The following BDP1 variants were observed in gnomAD, a reference collection of about 807,000 sequenced individuals.
The protein encoded by BDP1 is BDP1 general transcription factor IIIB subunit.
Under a neutral mutation model 266.6 loss-of-function variants are expected in BDP1, and 169 were observed. The ratio of observed to expected loss-of-function variants is 0.63; its 90% CI spans 0.56 to 0.72. The LOEUF is 0.72. Ranked by LOEUF, BDP1 falls within the 30% of genes least tolerant of loss-of-function variation. The pLI is 0.00. For missense variants in BDP1, 3,015 were observed against 3,053.8 expected (o/e 0.99, Z 0.30); for synonymous variants, 1,090 against 1,022.4 (o/e 1.07, Z -1.26).
rs755020787 is a variant in BDP1 at position 71,509,857 on chromosome 5, C to G, written c.2765C>G (p.Thr922Ser). 5 of 1,613,888 alleles carry G rather than the reference C, an allele frequency of 3.1e-6. No homozygotes were observed. The highest frequency in any genetic ancestry group is 4.2e-6 in the Non-Finnish European group (5 of 1,179,954). ...AAGACGCCAGAGGTGATTGATGCCA[C>G]TGAGGAAATAGACAAAGATTTGGAA... ...REKTPEVIDA[T>S]EEIDKDLEEA... The change falls in exon 17 of 39, where the codon ACT becomes AGT. Residue 922 changes from threonine to serine, a missense_variant. Physicochemically the swap from Thr to Ser is moderately conservative, Grantham distance 58 (BLOSUM62 1). Transcript: ENST00000358731.
chr5:71,520,499 T>C (rs1765441581), intron 22 of BDP1, among the ~76,000 whole-genome samples: 2 of 152,226 alleles, frequency 1.3e-5, no homozygotes, highest in African/African-American at 4.8e-5. Context: ...ACTCTGATAA[T>C]GTCTAGGAAA....
chr5:71,525,038 C>G (rs1361709973), intron 25 of BDP1, among the ~76,000 whole-genome samples: 1 of 152,160 alleles, frequency 6.6e-6, no homozygotes, highest in African/African-American at 2.4e-5. Context: ...CTACCTCTTT[C>G]TACACAGACA....
Position 71,510,878 on chromosome 5 carries a change from T to TC in BDP1, c.3789dup (p.Ile1264HisfsTer13). On this transcript the variant is annotated frameshift_variant, in exon 17 of 39. Coordinates refer to ENST00000358731, the MANE Select transcript of BDP1 (RefSeq NM_018429.3). LOFTEE classifies it high-confidence loss of function. ...TGAAAGAAACTGGAAAAAGAGACAT[T>TC]CCCATCATGGAGAAAGTATCAGGAA... 6.2e-7 allele frequency: 1 copy of TC among 1,613,620 alleles called. No individual in the cohort carries two copies. The highest frequency in any genetic ancestry group is 8.5e-7 in the Non-Finnish European group (1 of 1,179,736).
intron 34 of BDP1, among the ~76,000 whole-genome samples, chr5:71,552,068 T>C (rs9673058): frequency 7.2e-6 from 1 of 139,130 alleles, no homozygotes; most frequent in Non-Finnish European, 1.6e-5. Context: ...CCAGACGGGG[T>C]GGCTGCCGGT....
chr5:71,473,704 G>A (rs995260673), intron 7 of BDP1, among the ~76,000 whole-genome samples: 1 of 151,830 alleles, frequency 6.6e-6, no homozygotes, highest in African/African-American at 2.4e-5. Context: ...TATACTTTAA[G>A]TTTTAGGGTA....
At chr5:71,540,361 C>T (rs949784034) in intron 28 of BDP1, among the ~76,000 whole-genome samples, 9 of 152,088 alleles carry the variant, frequency 5.9e-5, no homozygotes, top group Non-Finnish European at 1.3e-4. Context: ...GAGTTTCGCT[C>T]TTGTCACCCA....
intron 36 of BDP1, among the ~76,000 whole-genome samples, chr5:71,558,088 C>T (rs1743354651): frequency 6.6e-6 from 1 of 152,152 alleles, no homozygotes; most frequent in African/African-American, 2.4e-5. Flanking sequence ...TCTCTTTTCT[C>T]TCAAAGTTAG....
At chr5:71,481,952 T>A (rs867192185) in intron 7 of BDP1, among the ~76,000 whole-genome samples, 1 of 152,172 alleles carries the variant, frequency 6.6e-6, no homozygotes, top group African/African-American at 2.4e-5. Context: ...AAGGCTACTC[T>A]AGGGTATCGT....
At chr5:71,541,730 A>G (rs1247413349) in intron 29 of BDP1, 48 bp downstream of exon 29, 1 of 1,165,820 alleles carries the variant, frequency 8.6e-7, no homozygotes, top group African/African-American at 1.5e-5. Context: ...CCACCATCAA[A>G]TTAGTTAATA....
chr5:71,522,593 T>G, intron 23 of BDP1, 103 bp downstream of exon 23: 1 of 1,185,020 alleles, frequency 8.4e-7, no homozygotes, highest in African/African-American at 1.5e-5. Context: ...ACTTCTGTAC[T>G]GTAACCATTT....
chr5:71,562,674 G>T, intron 38 of BDP1, 154 bp downstream of exon 38: 1 of 1,486,800 alleles, frequency 6.7e-7, no homozygotes, highest in Non-Finnish European at 9.1e-7. Context: ...CCTCCATAAT[G>T]GAAGAAGAAA....
At chr5:71,561,951 AG>A (rs1465551741) in intron 37 of BDP1, among the ~76,000 whole-genome samples, 1 of 152,098 alleles carries the variant, frequency 6.6e-6, no homozygotes, top group Non-Finnish European at 1.5e-5. Flanking sequence ...GCAGGTATTA[AG>A]GTTGTGTCTT....
At chr5:71,552,874 C>G (rs1193315929) in intron 34 of BDP1, among the ~76,000 whole-genome samples, 1 of 151,906 alleles carries the variant, frequency 6.6e-6, no homozygotes, top group Non-Finnish European at 1.5e-5. Flanking sequence ...AGATTTAATT[C>G]AATACTATGG....
chr5:71,571,274 A>C (rs1295165673), downstream of BDP1, among the ~76,000 whole-genome samples: 1 of 152,136 alleles, frequency 6.6e-6, no homozygotes, highest in Non-Finnish European at 1.5e-5. Context: ...CCTCCCAAGT[A>C]GCTGGGACTA....
chr5:71,544,523 G>C lies in BDP1; in HGVS notation c.6563+16G>C. ...TAACTGAAAGGTAAAAGAGTGAAGA[G>C]GTTCTGAGATTCAGTTTATATTGTT... On this transcript the variant is annotated intron_variant, in intron 31 of 38. Transcript: ENST00000358731. 1 of 1,599,602 alleles carries C rather than the reference G, an allele frequency of 6.3e-7. No individual in the cohort carries two copies. Among genetic ancestry groups the C allele is most frequent in the Non-Finnish European group, 8.5e-7 (1 of 1,175,544 alleles).
intron 25 of BDP1, 63 bp from the exon 26 acceptor site, chr5:71,532,245 A>G: frequency 6.9e-7 from 1 of 1,454,620 alleles, no homozygotes; most frequent in South Asian, 1.3e-5. Context: ...CATGTTGAAG[A>G]TGAGGCTTTG....
intron 30 of BDP1, among the ~76,000 whole-genome samples, chr5:71,542,778 G>C (rs947817136): frequency 1.9e-4 from 29 of 152,052 alleles, no homozygotes; most frequent in African/African-American, 6.3e-4. Flanking sequence ...TTGATCAGAA[G>C]CCTTATTGAT....
At chr5:71,482,687 C>G (rs1422279876) in intron 7 of BDP1, among the ~76,000 whole-genome samples, 2 of 152,112 alleles carry the variant, frequency 1.3e-5, no homozygotes, top group Non-Finnish European at 2.9e-5. Context: ...AATTAAATGC[C>G]TGAAGCCTAT....
At chr5:71,526,337 C>T (rs533717025) in intron 25 of BDP1, among the ~76,000 whole-genome samples, 3 of 150,316 alleles carry the variant, frequency 2.0e-5, no homozygotes, top group African/African-American at 7.3e-5. Flanking sequence ...TTGATTTGGA[C>T]CAGGCATGGT....
Sources: allele counts gnomAD v4.1 joint callset (sites outside exome capture counted in the v4.1 genomes callset), GRCh38; gene constraint gnomAD v4.1.1; transcripts MANE v1.5; gene names NCBI Gene and HGNC (gene_info 2026-07-23, HGNC 2026-07-21).